SHROOM4: variants seen among roughly 807,000 people sequenced by gnomAD.
SHROOM4 encodes the protein shroom family member 4.
SHROOM4 carries 17 observed loss-of-function variants against 80.3 expected under a neutral mutation model. The observed-to-expected ratio is 0.21, with a 90% CI of 0.14 to 0.32. The LOEUF is 0.32. SHROOM4 is among the 10% of genes least tolerant of loss of function. The pLI is 1.00. For synonymous variants in SHROOM4, 400 were observed against 437.5 expected (o/e 0.91, Z 1.07); for missense variants, 993 against 1,140.3 (o/e 0.87, Z 1.86).
chrX:50,646,406 C>G (rs1268353142), intron 2 of SHROOM4, among the ~76,000 whole-genome samples: 1 of 110,152 alleles, frequency 9.1e-6, no homozygotes, highest in Non-Finnish European at 1.9e-5. Flanking sequence ...GAAAAGCTGC[C>G]TGGTCACCAT....
chrX:50,624,596 G>T (rs185755432), intron 5 of SHROOM4, among the ~76,000 whole-genome samples: 4,476 of 103,240 alleles, frequency 0.043, 222 homozygotes, highest in African/African-American at 0.15. Context: ...GCTCAGAGTT[G>T]TTTTTTATCT....
Position 50,591,683 on chromosome X carries a change from T to TTCCTG in SHROOM4, c.*5011_*5012insCAGGA. 1 of 279,238 alleles carries TTCCTG rather than the reference T, an allele frequency of 3.6e-6. No individual in the cohort carries two copies. The highest frequency in any genetic ancestry group is 1.1e-4 in the East Asian group (1 of 8,996). The allele number at this position is 279,238 out of a possible 1,213,427, so 23.0% of individuals were successfully genotyped here. ...AAATGGAACTGTTTTCTTTCTTTCT[T>TTCCTG]TCTTTCTTTCTTTTCTTTCTTTCTT... is the stretch of plus-strand genomic sequence containing the variant. On this transcript the variant is annotated 3_prime_UTR_variant, in exon 9 of 9. Coordinates refer to ENST00000376020, the MANE Select transcript of SHROOM4 (RefSeq NM_020717.5).
intron 1 of SHROOM4, among the ~76,000 whole-genome samples, chrX:50,766,955 C>T (rs782315006): frequency 9.0e-6 from 1 of 111,478 alleles, no homozygotes; most frequent in Non-Finnish European, 1.9e-5. Flanking sequence ...AATGAAAAGC[C>T]TCATTAAATA....
chrX:50,691,000 A>G (rs1162898188), intron 2 of SHROOM4, among the ~76,000 whole-genome samples: 1 of 112,911 alleles, frequency 8.9e-6, no homozygotes, highest in African/African-American at 3.2e-5. Context: ...TCTTTGTGAC[A>G]TACATATGAT....
chrX:50,710,644 G>A (rs1933791719), intron 1 of SHROOM4, among the ~76,000 whole-genome samples: 1 of 111,081 alleles, frequency 9.0e-6, no homozygotes, highest in African/African-American at 3.3e-5. Context: ...ACCTGCACAT[G>A]TACCTCCTGA....
At chrX:50,656,228 G>A (rs1557259449) in intron 2 of SHROOM4, among the ~76,000 whole-genome samples, 1 of 111,535 alleles carries the variant, frequency 9.0e-6, no homozygotes, top group Admixed American at 9.6e-5. Flanking sequence ...TCTGTGGATT[G>A]TTTCCTTGGC....
At chrX:50,754,961 C>A (rs1280829353) in intron 1 of SHROOM4, among the ~76,000 whole-genome samples, 1 of 112,316 alleles carries the variant, frequency 8.9e-6, no homozygotes, top group Non-Finnish European at 1.9e-5. Context: ...ATCATTTTAA[C>A]TCTCCATTCC....
Position 50,637,834 on chromosome X carries a change from G to A in SHROOM4, c.404+340C>T, listed in dbSNP as rs183353380. Among the ~76,000 whole-genome samples the A allele has an allele frequency of 4.2e-3, 474 of 111,966 alleles. 6 individuals are homozygous for A. The highest frequency in any genetic ancestry group is 0.015 in the African/African-American group (458 of 30,838). ...AGAAGCAGGCCAGAACTGAGCCCTGGGGTCCTCCTACATTAAGAGACAGGA... is the reference window on the plus strand; with the variant it reads ...AGAAGCAGGCCAGAACTGAGCCCTGAGGTCCTCCTACATTAAGAGACAGGA... On this transcript the variant is annotated intron_variant, in intron 3 of 8. Coordinates refer to ENST00000376020, the MANE Select transcript of SHROOM4 (RefSeq NM_020717.5).
intron 1 of SHROOM4, among the ~76,000 whole-genome samples, chrX:50,776,576 C>A (rs1935514338): frequency 8.9e-6 from 1 of 112,112 alleles, no homozygotes; most frequent in South Asian, 3.7e-4. Flanking sequence ...GCTACACTGC[C>A]TTCCTACCTC....
chrX:50,763,616 A>G (rs1009971090), intron 1 of SHROOM4, among the ~76,000 whole-genome samples: 2 of 111,676 alleles, frequency 1.8e-5, no homozygotes, highest in Admixed American at 9.5e-5. Context: ...GTTACTGCTC[A>G]GTTTTTTCTC....
chrX:50,580,206 G>A, the SHROOM4 span, among the ~76,000 whole-genome samples: 1 of 112,004 alleles, frequency 8.9e-6, no homozygotes, highest in South Asian at 3.8e-4. Context: ...AGGGTCTTGG[G>A]TCACCGACTT....
intron 1 of SHROOM4, among the ~76,000 whole-genome samples, chrX:50,740,340 T>C (rs1290074652): frequency 9.0e-6 from 1 of 111,538 alleles, no homozygotes; most frequent in East Asian, 2.8e-4. Context: ...TTAAAAAAAC[T>C]GTTATGAGAG....
intron 2 of SHROOM4, among the ~76,000 whole-genome samples, chrX:50,640,033 C>A (rs1442662495): frequency 2.7e-5 from 3 of 111,140 alleles, no homozygotes; most frequent in African/African-American, 9.8e-5. Flanking sequence ...CACAAGGAGA[C>A]CTTGGGGGCT....
chrX:50,784,431 G>A (rs1237414684), intron 1 of SHROOM4, among the ~76,000 whole-genome samples: 4 of 112,000 alleles, frequency 3.6e-5, no homozygotes, highest in African/African-American at 1.3e-4. Context: ...CCAAAGTGCT[G>A]GGAATACAGG....
At chrX:50,711,130 C>T (rs1602452909) in intron 1 of SHROOM4, among the ~76,000 whole-genome samples, 2 of 111,978 alleles carry the variant, frequency 1.8e-5, no homozygotes, top group South Asian at 3.7e-4. Context: ...CAGTTTAAAC[C>T]GACAAAGTTA....
intron 2 of SHROOM4, among the ~76,000 whole-genome samples, chrX:50,681,030 T>C (rs1932930522): frequency 9.0e-6 from 1 of 111,032 alleles, no homozygotes; most frequent in Non-Finnish European, 1.9e-5. Flanking sequence ...CCCTGCCCAA[T>C]TCACACTTGA....
intron 1 of SHROOM4, among the ~76,000 whole-genome samples, chrX:50,735,708 T>G (rs782166344): frequency 1.2e-4 from 13 of 110,426 alleles, no homozygotes; most frequent in Admixed American, 8.7e-4. Flanking sequence ...AACAAACACA[T>G]GAAAAGATGA....
chrX:50,602,155 G>A (rs1160961924), intron 7 of SHROOM4, among the ~76,000 whole-genome samples: 4 of 107,347 alleles, frequency 3.7e-5, no homozygotes, highest in East Asian at 2.9e-4. Flanking sequence ...GCAGTGGCGC[G>A]ATCTCGGCTC....
intron 1 of SHROOM4, among the ~76,000 whole-genome samples, chrX:50,805,240 T>C (rs1388089216): frequency 9.0e-6 from 1 of 111,698 alleles, no homozygotes; most frequent in African/African-American, 3.3e-5. Context: ...GCTTTACTTC[T>C]AGCTCTACCT....
Sources: allele counts gnomAD v4.1 joint callset (sites outside exome capture counted in the v4.1 genomes callset), GRCh38; gene constraint gnomAD v4.1.1; transcripts MANE v1.5; gene names NCBI Gene and HGNC (gene_info 2026-07-23, HGNC 2026-07-21).